The following SSPN variants were observed in gnomAD, a reference collection of about 807,000 sequenced individuals.
SSPN encodes sarcospan, also known as K-ras oncogene-associated protein.
In SSPN, 15 loss-of-function variants were observed where a neutral mutation model predicts 19.1. That is an observed-to-expected ratio of 0.78 (90% CI 0.52 to 1.21). The LOEUF (loss-of-function observed/expected upper bound fraction) is 1.21. Among genes scored for constraint, SSPN ranks in the 50% most tolerant of loss-of-function variants. The probability of loss-of-function intolerance (pLI) is 0.00; values close to 1 mark genes in which losing one functional copy is unlikely to be tolerated. For missense variants in SSPN, 291 were observed against 314.0 expected, an observed-to-expected ratio of 0.93 and a Z score of 0.55; for synonymous variants, 147 against 140.3, an observed-to-expected ratio of 1.05 and a Z score of -0.34.
At position 26,195,641 on chromosome 12, in the gene SSPN, G is replaced by GCTGGCCCCCCCCCCCCC; in HGVS notation, c.-31_-30insTGGCCCCCCCCCCCCCC. ...CTCCAGGGCCCAGGGCGCCGCACACGCACCCACCCACCCACCCAGCCTCGC... is the reference window on the plus strand; with the variant it reads ...CTCCAGGGCCCAGGGCGCCGCACACGCTGGCCCCCCCCCCCCCCACCCACCCACCCACCCAGCCTCGC... On this transcript the variant is annotated 5_prime_UTR_variant, in exon 1 of 3. Transcript: ENST00000242729. 2 of 1,105,400 alleles carry GCTGGCCCCCCCCCCCCC rather than the reference G, an allele frequency of 1.8e-6. No individual in the cohort carries two copies. The highest frequency in any genetic ancestry group is 2.3e-6 in the Non-Finnish European group (2 of 878,118). 68.5% of individuals were successfully genotyped at this position (1,105,400 alleles called of 1,614,324 possible).
chr12:26,199,577 A>G (rs561807057), intron 1 of SSPN, among the ~76,000 whole-genome samples: 19 of 152,332 alleles, frequency 1.2e-4, no homozygotes, highest in African/African-American at 3.6e-4. Flanking sequence ...TGTGTTCTGC[A>G]TTTTATTCTG....
chr12:26,164,129 C>T (rs1489831342), intron 1 of SSPN, among the ~76,000 whole-genome samples: 2 of 152,240 alleles, frequency 1.3e-5, no homozygotes, highest in African/African-American at 4.8e-5. Flanking sequence ...TCACATACCA[C>T]TGATAATCAC....
At chr12:26,202,816 A>G (rs953044441) in intron 1 of SSPN, among the ~76,000 whole-genome samples, 5 of 152,242 alleles carry the variant, frequency 3.3e-5, no homozygotes, top group Admixed American at 2.0e-4. Flanking sequence ...AGAGTTCAGC[A>G]TATATGTTTC....
chr12:26,153,740 C>T (rs1016070770), intron 1 of SSPN, among the ~76,000 whole-genome samples: 12 of 152,196 alleles, frequency 7.9e-5, no homozygotes, highest in African/African-American at 1.9e-4. Flanking sequence ...AGGTCTTCCA[C>T]GAATTCTGGG....
At chr12:26,174,315 TCTAC>T (rs1944669922) in intron 1 of SSPN, among the ~76,000 whole-genome samples, 1 of 152,154 alleles carries the variant, frequency 6.6e-6, no homozygotes, top group Non-Finnish European at 1.5e-5. Context: ...ACTGACCACA[TCTAC>T]CTATTTTTCT....
At chr12:26,185,432 T>C (rs10842689) in intron 1 of SSPN, among the ~76,000 whole-genome samples, 61,528 of 152,062 alleles carry the variant, frequency 0.4, 15,072 homozygotes, top group Admixed American at 0.57. Context: ...TCTGCTGTCT[T>C]CTCAGGGGCC....
chr12:26,159,416 C>CAGA (rs1465811217), intron 1 of SSPN, among the ~76,000 whole-genome samples: 1 of 152,194 alleles, frequency 6.6e-6, no homozygotes, highest in Non-Finnish European at 1.5e-5. Context: ...GATTGGCCAC[C>CAGA]AGAAGAACAT....
rs767442227 is a variant in SSPN, at chr12:26,230,788, G to A, written c.444G>A (p.Ser148=). The change falls in exon 3 of 3, where the codon TCG becomes TCA. Residue 148 remains serine, a synonymous_variant. Coordinates refer to ENST00000242729, the MANE Select transcript of SSPN (RefSeq NM_005086.5). ...LAVAFAAHHY[S]QLTQFTCETT... The stretch of plus-strand genomic sequence containing the variant: ...TGGCCTTTGCCGCCCACCACTATTC[G>A]CAGCTCACACAGTTTACCTGTGAGA... 6.0e-5 allele frequency: 97 copies of A among 1,614,144 alleles called. 1 individual carries two copies. In the South Asian group the frequency reaches 8.0e-4, roughly 13 times the overall value.
At chr12:26,146,824 A>AAAAAAAAAAAAG (rs1195338568) in intron 1 of SSPN, among the ~76,000 whole-genome samples, 3 of 151,808 alleles carry the variant, frequency 2.0e-5, no homozygotes, top group Non-Finnish European at 4.4e-5. Flanking sequence ...TGTCTAAAAA[A>AAAAAAAAAAAAG]AAAAAAGAAA....
intron 1 of SSPN, among the ~76,000 whole-genome samples, chr12:26,145,405 A>C (rs1207882517): frequency 6.6e-6 from 1 of 152,156 alleles, no homozygotes; most frequent in Admixed American, 6.6e-5. Context: ...TGATTCATCC[A>C]GTGTCAGGAA....
At chr12:26,200,347 G>A (rs973685044) in intron 1 of SSPN, among the ~76,000 whole-genome samples, 5 of 152,090 alleles carry the variant, frequency 3.3e-5, no homozygotes, top group Non-Finnish European at 5.9e-5. Flanking sequence ...AACAGTTTTC[G>A]TATGTTAACT....
rs1233580388 is a variant in SSPN, at chr12:26,234,552, C to T, written c.*3476C>T. 4 of 152,136 alleles carry T rather than the reference C, an allele frequency of 2.6e-5. No homozygotes were observed. Among genetic ancestry groups the T allele is most frequent in the Non-Finnish European group, 5.9e-5 (4 of 68,006 alleles). The allele number at this position is 152,136 out of a possible 1,614,324, so 9.4% of individuals were successfully genotyped here. ...GTGGTTTAGCCTTTGAAATGAATAC[C>T]TTGAATCATTTCTTCTGATTTTCTA... is the stretch of plus-strand genomic sequence containing the variant. On this transcript the variant is annotated 3_prime_UTR_variant, in exon 3 of 3. Transcript: ENST00000242729.
chr12:26,216,844 T>C (rs1468768351), intron 1 of SSPN, among the ~76,000 whole-genome samples: 1 of 112,512 alleles, frequency 8.9e-6, no homozygotes, highest in East Asian at 2.9e-4. Context: ...CCTTTCCCCA[T>C]TGCTTGTTTT....
intron 1 of SSPN, among the ~76,000 whole-genome samples, chr12:26,159,718 A>C (rs1944576348): frequency 6.6e-6 from 1 of 152,210 alleles, no homozygotes; most frequent in African/African-American, 2.4e-5. Context: ...AGAGGACAGA[A>C]TCCCAAATGG....
Position 26,224,384 on chromosome 12 carries a change from G to T in SSPN, c.366+5G>T. ...TGTATTCAATTTTCTATGAAAGTAA[G>T]TTGTGATTGTTCTTTCTCTTTTATC... On this transcript the variant is annotated splice_donor_5th_base_variant and intron_variant, in intron 2 of 2. Coordinates refer to ENST00000242729, the MANE Select transcript of SSPN (RefSeq NM_005086.5). The T allele has an allele frequency of 6.2e-7, 1 of 1,601,170 alleles. No homozygotes were observed. Among genetic ancestry groups the T allele is most frequent in the South Asian group, 1.1e-5 (1 of 90,822 alleles).
At chr12:26,221,775 C>G (rs746484743) in intron 1 of SSPN, among the ~76,000 whole-genome samples, 2 of 152,180 alleles carry the variant, frequency 1.3e-5, no homozygotes, top group Non-Finnish European at 2.9e-5. Flanking sequence ...CGTGGGAGAG[C>G]CTGACCCTGT....
chr12:26,144,145 A>G (rs1425570524), intron 1 of SSPN, among the ~76,000 whole-genome samples: 1 of 152,224 alleles, frequency 6.6e-6, no homozygotes, highest in Non-Finnish European at 1.5e-5. Context: ...ACCCCAGTCT[A>G]TGGAAAAATT....
At chr12:26,178,200 T>A (rs74072076) in intron 1 of SSPN, among the ~76,000 whole-genome samples, 9,263 of 152,310 alleles carry the variant, frequency 0.061, 404 homozygotes, top group South Asian at 0.12. Flanking sequence ...GCGTAGACTC[T>A]GAAGCCAGAC....
At chr12:26,158,701 G>A (rs945287471) in intron 1 of SSPN, among the ~76,000 whole-genome samples, 2 of 152,266 alleles carry the variant, frequency 1.3e-5, no homozygotes, top group African/African-American at 4.8e-5. Context: ...TCAGGGCAGG[G>A]CTGCTCCTGC....
Sources: allele counts gnomAD v4.1 joint callset (sites outside exome capture counted in the v4.1 genomes callset), GRCh38; gene constraint gnomAD v4.1.1; transcripts MANE v1.5; gene names NCBI Gene and HGNC (gene_info 2026-07-23, HGNC 2026-07-21).